Variants in GGT6 observed in about 807,000 individuals in gnomAD.
The protein encoded by GGT6 is glutathione hydrolase 6.
In GGT6, 13 loss-of-function variants were observed where a neutral mutation model predicts 17.0. That is an observed-to-expected ratio of 0.77 (90% CI 0.50 to 1.22). The LOEUF is 1.22. GGT6 is among the 50% of genes most tolerant of loss of function. The probability of loss-of-function intolerance (pLI) is 0.00; values close to 1 mark genes in which losing one functional copy is unlikely to be tolerated. For synonymous variants in GGT6, 305 were observed against 297.9 expected (o/e 1.02, Z -0.25); for missense variants, 628 against 643.7 (o/e 0.98, Z 0.26).
At chr17:4,559,980 G>T (rs1357453672) in intron 1 of GGT6, 1 of 599,560 alleles carries the variant, frequency 1.7e-6, no homozygotes, top group African/African-American at 1.9e-5. Context: ...GCCTCTGGAG[G>T]GGAGATTGGT....
Position 4,560,479 on chromosome 17 carries a change from G to A in GGT6, c.43C>T (p.Pro15Ser), listed in dbSNP as rs752832041. 1.9e-6 allele frequency: 3 copies of A among 1,613,404 alleles called. No individual in the cohort carries two copies. Among genetic ancestry groups the A allele is most frequent in the Admixed American group, 1.7e-5 (1 of 60,002 alleles). The change falls in exon 1 of 4, where the codon CCC becomes TCC. Residue 15 changes from proline to serine, a missense_variant. Coordinates refer to ENST00000381550, the MANE Select transcript of GGT6 (RefSeq NM_001288702.2). ...EEPVVYQKLL[P>S]WEPSLESEEE... ...TCCGACTCCAAGCTTGGCTCCCAGG[G>A]CAGCAGCTTCTGATAGACCACGGGC...
Position 4,558,947 on chromosome 17 carries a change from GCAGAGCCGCGGGCAGCCC to G in GGT6, c.550_567del (p.Gly184_Leu189del). ...CGTGCATGCAGCAGGTGCAGGGTGGGCAGAGCCGCGGGCAGCCCCAGGCCGGGGGCCAGGGTCTGTGCT... is the reference window on the plus strand; with the variant it reads ...CGTGCATGCAGCAGGTGCAGGGTGGGCAGGCCGGGGGCCAGGGTCTGTGCT... On this transcript the variant is annotated inframe_deletion, in exon 4 of 4. Transcript: ENST00000381550. 9.7e-6 allele frequency: 15 copies of G among 1,549,304 alleles called. No individual in the cohort carries two copies. Among genetic ancestry groups the G allele is most frequent in the Non-Finnish European group, 1.0e-5 (12 of 1,146,878 alleles).
At position 4,558,043 on chromosome 17, in the gene GGT6, T is replaced by G. The variant is rs1206824838; in HGVS notation, c.1472A>C (p.His491Pro). Residue 491 changes from histidine (H) to proline (P), a missense_variant, in exon 4 of 4, where the codon CAT becomes CCT. By Grantham distance (77) the His-to-Pro change is moderately conservative. Coordinates refer to ENST00000381550, the MANE Select transcript of GGT6 (RefSeq NM_001288702.2). ...TEHAHVSSVPHACCPFQGF is the reference protein window; with the variant it reads ...TEHAHVSSVPPACCPFQGF ...GAACCCCTGGAAGGGGCAGCAGGCA[T>G]GGGGGACACTGGAGACATGGGCGTG... is the stretch of plus-strand genomic sequence containing the variant. The G allele has an allele frequency of 6.4e-6, 10 of 1,559,662 alleles. No homozygotes were observed. Among genetic ancestry groups the G allele is most frequent in the African/African-American group, 2.7e-5 (2 of 73,794 alleles).
At chr17:4,559,860 AGAG>A in intron 1 of GGT6, 100 bp from the exon 2 acceptor site, 1 of 1,108,598 alleles carries the variant, frequency 9.0e-7, no homozygotes, top group Non-Finnish European at 1.3e-6. Flanking sequence ...TGATTTAGCA[AGAG>A]GAGCACAAGT....
At chr17:4,559,833 A>G in intron 1 of GGT6, 73 bp from the exon 2 acceptor site, 3 of 1,401,166 alleles carry the variant, frequency 2.1e-6, no homozygotes, top group Non-Finnish European at 3.0e-6. Context: ...ACCCCAGGGA[A>G]TATTTCCCAA....
At position 4,558,550 on chromosome 17, in the gene GGT6, G is replaced by C. The variant is rs751561427; in HGVS notation, c.965C>G (p.Ala322Gly). 66 of 1,574,170 alleles carry C rather than the reference G, an allele frequency of 4.2e-5. No individual in the cohort carries two copies. Among genetic ancestry groups the C allele is most frequent in the Middle Eastern group, 1.7e-4 (1 of 5,912 alleles). Reference sequence around the variant, plus strand: ...CAACAGTGCCAGCAGTTCTGGGCCAGCTGAGGGACTGGGGGTGGTGAACAG... The same window carrying C: ...CAACAGTGCCAGCAGTTCTGGGCCACCTGAGGGACTGGGGGTGGTGAACAG... ...GILFTTPSPS[A>G]GPELLALLEA... The change falls in exon 4 of 4, where the codon GCT becomes GGT. Residue 322 changes from alanine (A) to glycine (G), a missense_variant. Coordinates refer to ENST00000381550, the MANE Select transcript of GGT6 (RefSeq NM_001288702.2).
At chr17:4,559,510 G>A in intron 2 of GGT6, 48 bp downstream of exon 2, 3 of 1,589,050 alleles carry the variant, frequency 1.9e-6, no homozygotes, top group Non-Finnish European at 2.6e-6. Context: ...GGCTGGGCTG[G>A]TGACCCCTGA....
chr17:4,559,265 T>C, intron 3 of GGT6, 78 bp downstream of exon 3: 2 of 1,271,840 alleles, frequency 1.6e-6, no homozygotes, highest in Non-Finnish European at 2.2e-6. Context: ...TTGAGGTCAG[T>C]GCTACTGACT....
rs200288109 is a variant in GGT6, at chr17:4,560,447, T to G, written c.75A>C (p.Glu25Asp). Residue 25 changes from glutamate (E) to aspartate (D), a missense_variant, in exon 1 of 4, where the codon GAA becomes GAC. Physicochemically the swap from Glu to Asp is conservative, Grantham distance 45. Transcript: ENST00000381550. ...PWEPSLESEE[E>D]VEEEETSEAL... ...CCTCTGATGTCTCCTCCTCCTCCAC[T>G]TCCTCCTCCGACTCCAAGCTTGGCT... is the stretch of plus-strand genomic sequence containing the variant. The G allele has an allele frequency of 1.2e-6, 2 of 1,613,924 alleles. No homozygotes were observed. Among genetic ancestry groups the G allele is most frequent in the South Asian group, 1.1e-5 (1 of 91,094 alleles).
In GGT6 at chr17:4,559,020, T is replaced by C; in HGVS notation, c.495A>G (p.Ser165=). Reference sequence around the variant, plus strand: ...CTGATGTCAGGGCCGTGGAATTGCCTGAGGAGCTATCGTGGAAGAGGCCCC... The same window carrying C: ...CTGATGTCAGGGCCGTGGAATTGCCCGAGGAGCTATCGTGGAAGAGGCCCC... ...MFWGLFHDSS[S]GNSTALTSGP... Residue 165 remains serine, a synonymous_variant, in exon 4 of 4, where the codon TCA becomes TCG. Transcript: ENST00000381550. The C allele has an allele frequency of 1.3e-6, 2 of 1,543,542 alleles. No homozygotes were observed. The highest frequency in any genetic ancestry group is 8.7e-7 in the Non-Finnish European group (1 of 1,146,932).
chr17:4,557,289 A>G lies in GGT6; in HGVS notation c.*726T>C, dbSNP rs1320007670. The G allele has an allele frequency of 6.6e-6, 1 of 151,288 alleles. No homozygotes were observed. Among genetic ancestry groups the G allele is most frequent in the African/African-American group, 2.4e-5 (1 of 41,132 alleles). 9.4% of individuals were successfully genotyped at this position (151,288 alleles called of 1,614,324 possible). A position where few individuals can be genotyped will look rare whatever the true frequency, so the allele number is the denominator to read the frequency against. ...AAGGCCAGAGGTTGGGGCCTGAGCC[A>G]GCAGTGAGCACATAATAAATCCTTT... On this transcript the variant is annotated 3_prime_UTR_variant, in exon 4 of 4. Transcript: ENST00000381550.
chr17:4,560,554 T>A lies in GGT6; in HGVS notation c.-33A>T, dbSNP rs769459184. 2.5e-6 allele frequency: 4 copies of A among 1,603,838 alleles called. No individual in the cohort carries two copies. ...CAGTGCTCGCCCCAGCCCTCCTGCC[T>A]GCCAGCCTTTCCGGCTGTGTCTCAG... is the stretch of plus-strand genomic sequence containing the variant. On this transcript the variant is annotated 5_prime_UTR_variant, in exon 1 of 4. Coordinates refer to ENST00000381550, the MANE Select transcript of GGT6 (RefSeq NM_001288702.2).
At position 4,560,514 on chromosome 17, in the gene GGT6, C is replaced by A; in HGVS notation, c.8G>T (p.Arg3Leu). Residue 3 changes from arginine to leucine, a missense_variant, in exon 1 of 4, where the codon CGG (arginine) becomes CTG (leucine). Transcript: ENST00000381550. Reference sequence around the variant, plus strand: ...CTGATAGACCACGGGCTCTTCTGCCCGCTCCATGGCCCCCCAGTGCTCGCC... The same window carrying A: ...CTGATAGACCACGGGCTCTTCTGCCAGCTCCATGGCCCCCCAGTGCTCGCC... The part of the protein sequence containing the change: ME[R>L]AEEPVVYQKL... 1 of 1,610,586 alleles carries A rather than the reference C, an allele frequency of 6.2e-7. No homozygotes were observed. Among genetic ancestry groups the A allele is most frequent in the Non-Finnish European group, 8.5e-7 (1 of 1,180,000 alleles).
chr17:4,557,961 C>G lies in GGT6; in HGVS notation c.*54G>C, dbSNP rs1908281923. 3 of 1,215,220 alleles carry G rather than the reference C, an allele frequency of 2.5e-6. No homozygotes were observed. Among genetic ancestry groups the G allele is most frequent in the Non-Finnish European group, 3.4e-6 (3 of 882,576 alleles). 75.3% of individuals were successfully genotyped at this position (1,215,220 alleles called of 1,614,324 possible). On this transcript the variant is annotated 3_prime_UTR_variant, in exon 4 of 4. Coordinates refer to ENST00000381550, the MANE Select transcript of GGT6 (RefSeq NM_001288702.2). ...CCATTGCTGCTGTGTCTGCTCTGCTCCTGCCCCCATGCTTCAGATAACTCT... is the reference window on the plus strand; with the variant it reads ...CCATTGCTGCTGTGTCTGCTCTGCTGCTGCCCCCATGCTTCAGATAACTCT...
Position 4,558,937 on chromosome 17 carries a change from T to G in GGT6, c.578A>C (p.His193Pro). The G allele has an allele frequency of 6.5e-7, 1 of 1,549,512 alleles. No homozygotes were observed. Among genetic ancestry groups the G allele is most frequent in the Non-Finnish European group, 8.7e-7 (1 of 1,146,810 alleles). ...LGLPAALPTL[H>P]LLHARFGRLP... is the part of the protein sequence containing the mutation. Reference sequence around the variant, plus strand: ...GCGGCCGAAGCGTGCATGCAGCAGGTGCAGGGTGGGCAGAGCCGCGGGCAG... The same window carrying G: ...GCGGCCGAAGCGTGCATGCAGCAGGGGCAGGGTGGGCAGAGCCGCGGGCAG... The change falls in exon 4 of 4, where the codon CAC becomes CCC. Residue 193 changes from histidine (H) to proline (P), a missense_variant. Coordinates refer to ENST00000381550, the MANE Select transcript of GGT6 (RefSeq NM_001288702.2).
chr17:4,560,509 CTGCCCGCTCCATGGCCCCCCAG>C lies in GGT6; in HGVS notation c.-10_12del, dbSNP rs1469988489. On this transcript the variant is annotated start_lost and 5_prime_UTR_variant, in exon 1 of 4. Coordinates refer to ENST00000381550, the MANE Select transcript of GGT6 (RefSeq NM_001288702.2). The stretch of plus-strand genomic sequence containing the variant: ...AGCTTCTGATAGACCACGGGCTCTT[CTGCCCGCTCCATGGCCCCCCAG>C]TGCTCGCCCCAGCCCTCCTGCCTGC... 3 of 1,611,124 alleles carry C rather than the reference CTGCCCGCTCCATGGCCCCCCAG, an allele frequency of 1.9e-6. No homozygotes were observed. Among genetic ancestry groups the C allele is most frequent in the Admixed American group, 1.7e-5 (1 of 60,004 alleles).
rs1008532143 is a variant in GGT6, at chr17:4,559,367, C to T, written c.433G>A (p.Val145Met). Residue 145 changes from valine to methionine, a missense_variant, in exon 3 of 4, where the codon GTG becomes ATG. Physicochemically the swap from Val to Met is conservative, Grantham distance 21 (BLOSUM62 1). Transcript: ENST00000381550. ...GVGAALCLAV[V>M]HPHATGLGAM... is the part of the protein sequence containing the mutation. ...CCTAGCCCCGTGGCATGAGGATGCA[C>T]CACTGCCAGGCACAATGCAGCTCCA... is the stretch of plus-strand genomic sequence containing the variant. 3.2e-6 allele frequency: 5 copies of T among 1,551,488 alleles called. No individual in the cohort carries two copies. Among genetic ancestry groups the T allele is most frequent in the Non-Finnish European group, 4.4e-6 (5 of 1,146,938 alleles).
At chr17:4,559,294 T>G in intron 3 of GGT6, 49 bp downstream of exon 3, 1 of 1,426,386 alleles carries the variant, frequency 7.0e-7, no homozygotes, top group Non-Finnish European at 9.7e-7. Context: ...TCCAGGTCAC[T>G]GATCAGGCTG....
rs1567620453 is a variant in GGT6, at chr17:4,558,480, T to C, written c.1035A>G (p.Pro345=). 6.2e-7 allele frequency: 1 copy of C among 1,608,084 alleles called. No individual in the cohort carries two copies. Among genetic ancestry groups the C allele is most frequent in the Non-Finnish European group, 8.5e-7 (1 of 1,178,978 alleles). The change falls in exon 4 of 4, where the codon CCA becomes CCG. Residue 345 remains proline (P), a synonymous_variant. Coordinates refer to ENST00000381550, the MANE Select transcript of GGT6 (RefSeq NM_001288702.2). ...GGCTCACAGCAGTCTGCAGGAACGG[T>C]GGGCAGGGGTCAGGGATGGGCGCCC... ...RSGAPIPDPC[P]PFLQTAVSPE...
Sources: gnomAD v4.1 joint callset for allele counts on GRCh38, gnomAD v4.1.1 for gene constraint, MANE v1.5 for transcripts, NCBI Gene and HGNC (gene_info 2026-07-23, HGNC 2026-07-21) for gene names.